RBFOX3: variants seen among roughly 807,000 people sequenced by gnomAD.
The protein encoded by RBFOX3 is RNA binding fox-1 homolog 3.
RBFOX3 carries 17 observed loss-of-function variants against 48.7 expected under a neutral mutation model. The ratio of observed to expected loss-of-function variants is 0.35; its 90% CI spans 0.24 to 0.52. The LOEUF (loss-of-function observed/expected upper bound fraction) is 0.52. RBFOX3 is among the 20% of genes least tolerant of loss of function. The pLI is 0.94. For missense variants in RBFOX3, 382 were observed against 497.5 expected, an observed-to-expected ratio of 0.77 and a Z score of 2.21; for synonymous variants, 212 against 209.5, an observed-to-expected ratio of 1.01 and a Z score of -0.10.
chr17:79,281,515 T>C (rs772054842), intron 3 of RBFOX3, among the ~76,000 whole-genome samples: 5 of 151,916 alleles, frequency 3.3e-5, no homozygotes, highest in African/African-American at 7.3e-5. Context: ...TTTGGATGTA[T>C]GGGGTTAGCT....
chr17:79,495,686 G>A (rs2081408224), intron 1 of RBFOX3, among the ~76,000 whole-genome samples: 1 of 139,570 alleles, frequency 7.2e-6, no homozygotes, highest in Non-Finnish European at 1.6e-5. Context: ...GACAGGCACA[G>A]GTACATAAAG....
intron 4 of RBFOX3, among the ~76,000 whole-genome samples, chr17:79,141,318 C>G (rs193114415): frequency 6.6e-6 from 1 of 152,150 alleles, no homozygotes; most frequent in Non-Finnish European, 1.5e-5. Flanking sequence ...CTGTTGGGGG[C>G]CAGCCAGGAG....
At chr17:79,332,276 G>A (rs545655306) in intron 2 of RBFOX3, among the ~76,000 whole-genome samples, 2 of 152,150 alleles carry the variant, frequency 1.3e-5, no homozygotes, top group African/African-American at 4.8e-5. Flanking sequence ...GGAGGGGAAG[G>A]GACCATTTGT....
chr17:79,486,262 G>A (rs370246659), intron 1 of RBFOX3, among the ~76,000 whole-genome samples: 41 of 152,296 alleles, frequency 2.7e-4, no homozygotes, highest in South Asian at 2.3e-3. Context: ...GGGCCTGGTC[G>A]AGGCCACAGC....
chr17:79,287,486 T>G (rs2072227134), intron 3 of RBFOX3, among the ~76,000 whole-genome samples: 1 of 152,158 alleles, frequency 6.6e-6, no homozygotes, highest in Admixed American at 6.5e-5. Flanking sequence ...GCTCAGTGTC[T>G]CCCCTTGCTG....
At chr17:79,594,584 C>T (rs2093517310) in intron 1 of RBFOX3, among the ~76,000 whole-genome samples, 1 of 152,232 alleles carries the variant, frequency 6.6e-6, no homozygotes, top group African/African-American at 2.4e-5. Flanking sequence ...CCCAGCACCT[C>T]GAGGTTCTTG....
At chr17:79,228,438 G>A (rs1027068403) in intron 4 of RBFOX3, among the ~76,000 whole-genome samples, 2 of 152,104 alleles carry the variant, frequency 1.3e-5, no homozygotes, top group African/African-American at 4.8e-5. Context: ...CAGACTTGGG[G>A]TTTTCATACT....
intron 1 of RBFOX3, among the ~76,000 whole-genome samples, chr17:79,517,999 G>A (rs2085501469): frequency 6.6e-6 from 1 of 152,190 alleles, no homozygotes; most frequent in East Asian, 1.9e-4. Context: ...ATTACATGGA[G>A]ATAAGACTAT....
chr17:79,108,172 G>A (rs1217783232), intron 5 of RBFOX3, among the ~76,000 whole-genome samples: 2 of 152,228 alleles, frequency 1.3e-5, no homozygotes, highest in Non-Finnish European at 2.9e-5. Context: ...AGGCCATGTG[G>A]CTTCTGGGAC....
intron 4 of RBFOX3, among the ~76,000 whole-genome samples, chr17:79,197,213 C>CCTCA (rs59729222): frequency 1.3e-5 from 2 of 152,124 alleles, no homozygotes; most frequent in Non-Finnish European, 2.9e-5. Context: ...TGCAGCCCTC[C>CCTCA]GTCGGGGCTG....
rs1236712123 is a variant in RBFOX3 at position 79,230,866 on chromosome 17, C to G, written c.-34+4900G>C. On this transcript the variant is annotated intron_variant, in intron 4 of 14. Transcript: ENST00000693108. ...AGCAGCCGGGCAGTTACTGCAGAGA[C>G]AGATCCGGTGTAAAGAAGAAAACAG... Among the ~76,000 whole-genome samples the G allele has an allele frequency of 3.3e-5, 5 of 152,100 alleles. No homozygotes were observed. In the East Asian group the frequency reaches 9.7e-4, roughly 29 times the overall value.
chr17:79,530,998 G>A (rs916231858), intron 1 of RBFOX3, among the ~76,000 whole-genome samples: 44 of 152,326 alleles, frequency 2.9e-4, no homozygotes, highest in African/African-American at 9.4e-4. Flanking sequence ...GTCATATTGT[G>A]GGCTGCTGGT....
rs1292149422 is a variant in RBFOX3 at position 79,242,961 on chromosome 17, G to T, written c.-73-7156C>A. On this transcript the variant is annotated intron_variant, in intron 3 of 14. Transcript: ENST00000693108. The surrounding 1 kb of genome is among the most constrained non-coding windows in gnomAD (Gnocchi z 5.8). ...CTCCTCCTCTGCCTGCGTGGACACT[G>T]CTGTGGGCCCCGTGACAGCAGCATG... Among the ~76,000 whole-genome samples the T allele has an allele frequency of 1.3e-5, 2 of 152,210 alleles. No homozygotes were observed. The highest frequency in any genetic ancestry group is 2.9e-5 in the Non-Finnish European group (2 of 68,036).
chr17:79,518,076 C>T (rs1052387822), intron 1 of RBFOX3, among the ~76,000 whole-genome samples: 130 of 152,336 alleles, frequency 8.5e-4, no homozygotes, highest in African/African-American at 3.1e-3. Context: ...CCCCTCCCTC[C>T]TCCTCCTTTT....
intron 1 of RBFOX3, among the ~76,000 whole-genome samples, chr17:79,590,046 C>T (rs1266258662): frequency 1.3e-5 from 2 of 152,134 alleles, no homozygotes; most frequent in East Asian, 3.9e-4. Context: ...ACTGCAGGGG[C>T]GGTGGGGGAC....
Position 79,363,661 on chromosome 17 carries a change from T to C in RBFOX3, c.-174-55837A>G, listed in dbSNP as rs1892597443. On this transcript the variant is annotated intron_variant, in intron 2 of 14. Coordinates refer to ENST00000693108, the MANE Select transcript of RBFOX3 (RefSeq NM_001350451.2). This position sits in a 1 kb window ranked among gnomAD's most constrained non-coding sequence, Gnocchi z 4.7. ...GCCTTCGATTCCCTCCTTTCCTTGA[T>C]GCCAGTATCCAGGCCACCAGCAGGT... 6.6e-6 allele frequency among the ~76,000 whole-genome samples: 1 copy of C among 151,938 alleles called. No homozygotes were observed. The highest frequency in any genetic ancestry group is 2.4e-5 in the African/African-American group (1 of 41,344).
intron 2 of RBFOX3, among the ~76,000 whole-genome samples, chr17:79,355,669 C>T (rs184931543): frequency 2.0e-4 from 31 of 152,280 alleles, no homozygotes; most frequent in African/African-American, 7.5e-4. Context: ...CAACCTCCAC[C>T]TCCCAGGTTC....
chr17:79,429,927 A>G (rs1480088245), intron 2 of RBFOX3, among the ~76,000 whole-genome samples: 1 of 152,154 alleles, frequency 6.6e-6, no homozygotes, highest in Non-Finnish European at 1.5e-5. Context: ...TTGGCCTGGG[A>G]GTCCTTGACC....
intron 2 of RBFOX3, among the ~76,000 whole-genome samples, chr17:79,359,526 G>A (rs936984383): frequency 3.9e-5 from 6 of 152,230 alleles, no homozygotes; most frequent in Middle Eastern, 6.8e-3. Flanking sequence ...CTGCCTCCCC[G>A]CTGGCTCCTA....
Sources: gnomAD v4.1 joint callset for allele counts (sites outside exome capture counted in the v4.1 genomes callset) on GRCh38, gnomAD v4.1.1 for gene constraint, Gnocchi (gnomAD v3.1) non-coding constraint, MANE v1.5 for transcripts, NCBI Gene and HGNC (gene_info 2026-07-23, HGNC 2026-07-21) for gene names.